The following STIL variants were observed in gnomAD, a reference collection of about 807,000 sequenced individuals.
STIL encodes STIL centriolar assembly protein.
STIL carries 55 observed loss-of-function variants against 110.1 expected under a neutral mutation model. The ratio of observed to expected loss-of-function variants is 0.50; its 90% CI spans 0.40 to 0.63. The LOEUF is 0.63. Among genes scored for constraint, STIL ranks in the 20% least tolerant of loss-of-function variants. The pLI, the probability that STIL is intolerant of heterozygous loss-of-function variation, is 0.00. For synonymous variants in STIL, 481 were observed against 530.0 expected, an observed-to-expected ratio of 0.91 and a Z score of 1.27; for missense variants, 1,358 against 1,530.0, an observed-to-expected ratio of 0.89 and a Z score of 1.87.
At chr1:47,297,834 C>T (rs1363746863) in intron 6 of STIL, among the ~76,000 whole-genome samples, 1 of 152,104 alleles carries the variant, frequency 6.6e-6, no homozygotes, top group Non-Finnish European at 1.5e-5. Context: ...ACTGAACATC[C>T]TGGTTATTAC....
Position 47,271,060 on chromosome 1 carries a change from A to T in STIL, c.2383+1016T>A, listed in dbSNP as rs78872729. Among the ~76,000 whole-genome samples, 443 of 152,178 alleles carry T rather than the reference A, an allele frequency of 2.9e-3. 15 individuals carry two copies. The East Asian group carries it at 0.058, about 20-fold the overall frequency. Reference sequence around the variant, plus strand: ...TATTGTTTACTTACTCTTTCTTTAAATTAACTCTTTTTTTACTGAGCCTCA... The same window carrying T: ...TATTGTTTACTTACTCTTTCTTTAATTTAACTCTTTTTTTACTGAGCCTCA... On this transcript the variant is annotated intron_variant, in intron 13 of 16. Transcript: ENST00000371877.
chr1:47,253,710 T>C (rs1056888811), intron 16 of STIL, among the ~76,000 whole-genome samples: 1 of 152,206 alleles, frequency 6.6e-6, no homozygotes, highest in Admixed American at 6.5e-5. Context: ...GTGAACATTA[T>C]ATTCTAGTCA....
intron 16 of STIL, among the ~76,000 whole-genome samples, chr1:47,252,575 C>T (rs549411662): frequency 2.6e-5 from 4 of 152,000 alleles, no homozygotes; most frequent in African/African-American, 9.6e-5. Flanking sequence ...ATTTAATTTA[C>T]GACTATTAGC....
chr1:47,254,180 CAAAAAAAAAAAA>C (rs59259774), intron 16 of STIL, among the ~76,000 whole-genome samples: 16 of 61,428 alleles, frequency 2.6e-4, no homozygotes, highest in South Asian at 9.7e-4. Flanking sequence ...GACTCTGTCT[CAAAAAAAAAAAA>C]AAAAAAAAAA....
At chr1:47,301,273 C>T (rs558898938) in intron 5 of STIL, among the ~76,000 whole-genome samples, 6 of 152,224 alleles carry the variant, frequency 3.9e-5, no homozygotes, top group African/African-American at 1.4e-4. Flanking sequence ...CAAATTAATA[C>T]TCCAGTCTGA....
At chr1:47,301,467 A>G in intron 5 of STIL, 94 bp downstream of exon 5, 3 of 1,350,294 alleles carry the variant, frequency 2.2e-6, no homozygotes, top group Non-Finnish European at 2.1e-6. Context: ...ATTATTGTAA[A>G]TCATTCTCAA....
chr1:47,269,519 A>G (rs1278559824), intron 14 of STIL, 116 bp downstream of exon 14: 3 of 740,176 alleles, frequency 4.1e-6, no homozygotes, highest in Non-Finnish European at 4.6e-6. Flanking sequence ...TAATCATTCC[A>G]TACTGTAAAC....
At chr1:47,310,430 A>G in intron 1 of STIL, 68 bp from the exon 2 acceptor site, 2 of 1,002,692 alleles carry the variant, frequency 2.0e-6, no homozygotes, top group South Asian at 2.9e-5. Flanking sequence ...ATTTAACCAC[A>G]TATTAAAATT....
intron 12 of STIL, among the ~76,000 whole-genome samples, chr1:47,274,612 C>T (rs1487503052): frequency 1.6e-4 from 24 of 147,442 alleles, no homozygotes; most frequent in African/African-American, 5.7e-4. Flanking sequence ...CCACCACACC[C>T]AGCCTCTTTC....
At chr1:47,272,868 G>T (rs1039678190) in intron 12 of STIL, among the ~76,000 whole-genome samples, 3 of 152,070 alleles carry the variant, frequency 2.0e-5, no homozygotes, top group African/African-American at 4.8e-5. Context: ...CTGACTCTCT[G>T]ACTCCATATA....
At chr1:47,290,639 C>T (rs1645456580) in intron 8 of STIL, among the ~76,000 whole-genome samples, 1 of 150,654 alleles carries the variant, frequency 6.6e-6, no homozygotes, top group African/African-American at 2.4e-5. Flanking sequence ...GGAGGTGGAG[C>T]TTGCAGTGAG....
chr1:47,264,910 C>T lies in STIL; in HGVS notation c.2616-1794G>A, dbSNP rs774691041. 2.8e-5 allele frequency among the ~76,000 whole-genome samples: 4 copies of T among 141,720 alleles called. No homozygotes were observed. In the Admixed American group the frequency reaches 2.9e-4, roughly 10 times the overall value. 93.0% of individuals were successfully genotyped at this position (141,720 alleles called of 152,430 possible). ...CAATTAACTTCATTCTATCAATTAACTCAGATCTGTTTCTAAAGTTAAAAA... is the reference window on the plus strand; with the variant it reads ...CAATTAACTTCATTCTATCAATTAATTCAGATCTGTTTCTAAAGTTAAAAA... On this transcript the variant is annotated intron_variant, in intron 14 of 16. Transcript: ENST00000371877.
At chr1:47,285,977 C>A (rs1475450440) in intron 10 of STIL, among the ~76,000 whole-genome samples, 1 of 151,262 alleles carries the variant, frequency 6.6e-6, no homozygotes, top group Non-Finnish European at 1.5e-5. Flanking sequence ...CGGGTTCAAG[C>A]GATTCTCCCA....
In STIL at chr1:47,272,207, G is replaced by C; in HGVS notation, c.2252C>G (p.Pro751Arg). The C allele has an allele frequency of 6.2e-7, 1 of 1,614,064 alleles. No individual in the cohort carries two copies. Among genetic ancestry groups the C allele is most frequent in the Non-Finnish European group, 8.5e-7 (1 of 1,180,000 alleles). The change falls in exon 13 of 17, where the codon CCC (proline) becomes CGC (arginine). Residue 751 changes from proline (P) to arginine (R), a missense_variant. Pro to Arg is a moderately radical substitution (Grantham distance 103, BLOSUM62 -2). Transcript: ENST00000371877. ...AACAGCAGTTGTCTTAGGGGAACAG[G>C]GCATCAGAGACTGTGCTTCCAACAA... ...QRLLEAQSLMPCSPKTTAVED... is the reference protein window; with the variant it reads ...QRLLEAQSLMRCSPKTTAVED...
chr1:47,270,227 CAAAAAAA>C (rs34842407), intron 13 of STIL, among the ~76,000 whole-genome samples: 2 of 87,266 alleles, frequency 2.3e-5, no homozygotes, highest in East Asian at 2.9e-4. Flanking sequence ...AACTCTGGCT[CAAAAAAA>C]AAAAAAAATA....
At chr1:47,252,775 TTA>T (rs1491498133) in intron 16 of STIL, among the ~76,000 whole-genome samples, 2 of 102,556 alleles carry the variant, frequency 2.0e-5, no homozygotes, top group African/African-American at 3.7e-5. Flanking sequence ...GGATATGGGC[TTA>T]TACACACACA....
intron 9 of STIL, among the ~76,000 whole-genome samples, chr1:47,288,629 GT>G (rs1267551273): frequency 6.6e-6 from 1 of 151,908 alleles, no homozygotes; most frequent in African/African-American, 2.4e-5. Flanking sequence ...TCATCATCTA[GT>G]TGTGTTTCTA....
chr1:47,270,913 A>C (rs1644816884), intron 13 of STIL, among the ~76,000 whole-genome samples: 1 of 152,028 alleles, frequency 6.6e-6, no homozygotes, highest in South Asian at 2.1e-4. Context: ...TCCTAGCATC[A>C]GGCAATCCAC....
At chr1:47,279,132 C>G (rs1451859934) in intron 12 of STIL, among the ~76,000 whole-genome samples, 1 of 151,828 alleles carries the variant, frequency 6.6e-6, no homozygotes, top group Non-Finnish European at 1.5e-5. Flanking sequence ...TCCGTCTCTA[C>G]TAAAAAAATA....
Sources: gnomAD v4.1 joint callset for allele counts (sites outside exome capture counted in the v4.1 genomes callset) on GRCh38, gnomAD v4.1.1 for gene constraint, MANE v1.5 for transcripts, NCBI Gene and HGNC (gene_info 2026-07-23, HGNC 2026-07-21) for gene names.